SWAP70: variants seen among roughly 807,000 people sequenced by gnomAD.
SWAP70 encodes switching B cell complex subunit SWAP70.
Under a neutral mutation model 80.2 loss-of-function variants are expected in SWAP70, and 34 were observed. The observed-to-expected ratio is 0.42, with a 90% CI of 0.32 to 0.56. SWAP70 has a LOEUF of 0.56. Ranked by LOEUF, SWAP70 falls within the 20% of genes least tolerant of loss-of-function variation. SWAP70 has a pLI of 0.09. For synonymous variants in SWAP70, 239 were observed against 238.5 expected, an observed-to-expected ratio of 1.00 and a Z score of -0.02; for missense variants, 578 against 690.7, an observed-to-expected ratio of 0.84 and a Z score of 1.83.
In SWAP70 at chr11:9,750,959, T is replaced by G. The variant is rs1851582073; in HGVS notation, c.*989T>G. The G allele has an allele frequency of 6.6e-6, 1 of 152,224 alleles. No individual in the cohort carries two copies. Among genetic ancestry groups the G allele is most frequent in the South Asian group, 2.1e-4 (1 of 4,832 alleles). The allele number at this position is 152,224 out of a possible 1,614,324, so 9.4% of individuals were successfully genotyped here. ...CCCTCACCTTAAAGGAGACTACCCC[T>G]TTGCCCCATATTGTCAACCTAATTT... On this transcript the variant is annotated 3_prime_UTR_variant, in exon 12 of 12. Coordinates refer to ENST00000318950, the MANE Select transcript of SWAP70 (RefSeq NM_015055.4).
intron 5 of SWAP70, 69 bp downstream of exon 5, chr11:9,728,268 C>A: frequency 7.1e-7 from 1 of 1,401,974 alleles, no homozygotes; most frequent in Non-Finnish European, 9.4e-7. Context: ...AGCTTCTCAC[C>A]TTCTTCCACC....
intron 1 of SWAP70, among the ~76,000 whole-genome samples, chr11:9,677,815 A>C (rs1325013939): frequency 8.8e-6 from 1 of 113,340 alleles, no homozygotes; most frequent in Non-Finnish European, 1.9e-5. Context: ...CTAAATGAAA[A>C]AAATTTTGAT....
chr11:9,676,891 G>A (rs779856871), intron 1 of SWAP70, among the ~76,000 whole-genome samples: 16 of 151,928 alleles, frequency 1.1e-4, no homozygotes, highest in Non-Finnish European at 2.2e-4. Context: ...CTGACCTCGT[G>A]ATCCGCCTGC....
intron 3 of SWAP70, chr11:9,720,341 G>A: frequency 1.0e-6 from 1 of 985,448 alleles, no homozygotes; most frequent in Non-Finnish European, 1.2e-6. Flanking sequence ...GGCACCTTCA[G>A]AAAGGTTCAG....
intron 2 of SWAP70, chr11:9,703,375 G>A (rs1366604625): frequency 2.2e-6 from 1 of 456,046 alleles, no homozygotes; most frequent in African/African-American, 2.0e-5. Context: ...CAATCACGTT[G>A]GCCTTCTCTC....
chr11:9,729,189 A>G (rs970090536), intron 5 of SWAP70, among the ~76,000 whole-genome samples, 154 bp from the exon 6 acceptor site: 1 of 152,206 alleles, frequency 6.6e-6, no homozygotes, highest in Non-Finnish European at 1.5e-5. Flanking sequence ...ACCATAAGTA[A>G]TGTGCTTAGG....
chr11:9,700,360 A>G (rs1260504430), intron 2 of SWAP70, among the ~76,000 whole-genome samples: 1 of 152,178 alleles, frequency 6.6e-6, no homozygotes, highest in Non-Finnish European at 1.5e-5. Flanking sequence ...CCATGGTTTG[A>G]GTTTAAATTG....
At chr11:9,735,848 G>T (rs1367237344) in intron 7 of SWAP70, among the ~76,000 whole-genome samples, 1 of 152,010 alleles carries the variant, frequency 6.6e-6, no homozygotes, top group African/African-American at 2.4e-5. Flanking sequence ...GGTGTATGTG[G>T]GTGTAGATCT....
In SWAP70 at chr11:9,747,951, G is replaced by C. The variant is rs1338620044; in HGVS notation, c.1449G>C (p.Gln483His). Residue 483 changes from glutamine (Q) to histidine (H), a missense_variant, in exon 10 of 12, where the codon CAG becomes CAC. Coordinates refer to ENST00000318950, the MANE Select transcript of SWAP70 (RefSeq NM_015055.4). ...TTCAGACAACCGAGGCGGAGAAGCAGGAGTTGGAGAATCAGCGTGTCCTGA... is the reference window on the plus strand; with the variant it reads ...TTCAGACAACCGAGGCGGAGAAGCACGAGTTGGAGAATCAGCGTGTCCTGA... Reference protein sequence around the residue: ...QAIQTTEAEKQELENQRVLKE... With the variant: ...QAIQTTEAEKHELENQRVLKE... The C allele has an allele frequency of 6.2e-7, 1 of 1,614,078 alleles. No individual in the cohort carries two copies. The highest frequency in any genetic ancestry group is 1.3e-5 in the African/African-American group (1 of 74,916).
At position 9,748,067 on chromosome 11, in the gene SWAP70, T is replaced by C. The variant is rs371419389; in HGVS notation, c.1554+11T>C. The stretch of plus-strand genomic sequence containing the variant: ...CTTGAGCAGTACGAGGTAATGAGAC[T>C]TGGCCCTGCAAACTTGTATATTTAA... On this transcript the variant is annotated intron_variant, in intron 10 of 11. Transcript: ENST00000318950. 216 of 1,610,730 alleles carry C rather than the reference T, an allele frequency of 1.3e-4. No homozygotes were observed. Among genetic ancestry groups the C allele is most frequent in the Non-Finnish European group, 1.8e-4 (208 of 1,177,532 alleles).
At chr11:9,726,688 A>G (rs939283007) in intron 4 of SWAP70, among the ~76,000 whole-genome samples, 3 of 152,234 alleles carry the variant, frequency 2.0e-5, no homozygotes, top group African/African-American at 4.8e-5. Flanking sequence ...ATCATGCGCT[A>G]TCAGCACCTG....
intron 2 of SWAP70, among the ~76,000 whole-genome samples, chr11:9,699,213 G>A (rs181859277): frequency 6.6e-6 from 1 of 152,120 alleles, no homozygotes; most frequent in Non-Finnish European, 1.5e-5. Flanking sequence ...TTTTAGGGAT[G>A]ATGAAAATAT....
chr11:9,730,643 T>C (rs904094366), intron 6 of SWAP70, among the ~76,000 whole-genome samples: 6 of 152,204 alleles, frequency 3.9e-5, no homozygotes, highest in African/African-American at 1.2e-4. Context: ...TGAGGTAATA[T>C]GTAAAAGAAA....
chr11:9,703,307 G>A, intron 2 of SWAP70: 1 of 454,580 alleles, frequency 2.2e-6, no homozygotes, highest in South Asian at 1.6e-5. Flanking sequence ...GATATACCAT[G>A]TTTTATTTAC....
intron 1 of SWAP70, among the ~76,000 whole-genome samples, chr11:9,677,193 AG>A (rs1244184771): frequency 6.6e-6 from 1 of 152,182 alleles, no homozygotes; most frequent in East Asian, 1.9e-4. Flanking sequence ...AAATAGGAAT[AG>A]GGCATCTTAT....
At chr11:9,748,449 G>A (rs1484893693) in intron 10 of SWAP70, among the ~76,000 whole-genome samples, 1 of 152,232 alleles carries the variant, frequency 6.6e-6, no homozygotes. Context: ...CCCCAGTGTT[G>A]TGATCCATAC....
At chr11:9,711,036 A>G (rs887227463) in intron 2 of SWAP70, among the ~76,000 whole-genome samples, 2 of 149,792 alleles carry the variant, frequency 1.3e-5, no homozygotes, top group Non-Finnish European at 1.5e-5. Context: ...GTATTGTTAT[A>G]CATATTTATT....
chr11:9,735,872 C>A (rs1851356993), intron 7 of SWAP70, among the ~76,000 whole-genome samples: 1 of 73,468 alleles, frequency 1.4e-5, no homozygotes, highest in Non-Finnish European at 2.9e-5. Context: ...TGTGTTTATC[C>A]TGTTTAGAGT....
chr11:9,668,979 C>G (rs534914935), intron 1 of SWAP70, among the ~76,000 whole-genome samples: 2 of 152,272 alleles, frequency 1.3e-5, no homozygotes, highest in South Asian at 4.1e-4. Flanking sequence ...GGCACACTCT[C>G]TCTCTCCAGA....
Sources: allele counts gnomAD v4.1 joint callset (sites outside exome capture counted in the v4.1 genomes callset), GRCh38; gene constraint gnomAD v4.1.1; transcripts MANE v1.5; gene names NCBI Gene and HGNC (gene_info 2026-07-23, HGNC 2026-07-21).